LPP: variants seen among roughly 807,000 people sequenced by gnomAD.
The protein encoded by LPP is lipoma-preferred partner.
In LPP, 38 loss-of-function variants were observed where a neutral mutation model predicts 60.4. The ratio of observed to expected loss-of-function variants is 0.63; its 90% CI spans 0.49 to 0.83. The LOEUF (loss-of-function observed/expected upper bound fraction) is 0.83. LPP is among the 40% of genes least tolerant of loss of function. The pLI, the probability that LPP is intolerant of heterozygous loss-of-function variation, is 0.00. For missense variants in LPP, 902 were observed against 783.6 expected (o/e 1.15, Z -1.80); for synonymous variants, 328 against 290.8 (o/e 1.13, Z -1.30).
At chr3:188,463,073 C>T (rs1799528470) in intron 4 of LPP, among the ~76,000 whole-genome samples, 1 of 152,184 alleles carries the variant, frequency 6.6e-6, no homozygotes, top group South Asian at 2.1e-4. Flanking sequence ...CCATTGCACT[C>T]CTGCCTGGGA....
At chr3:188,190,073 T>C (rs1390250536) in intron 1 of LPP, among the ~76,000 whole-genome samples, 1 of 150,418 alleles carries the variant, frequency 6.6e-6, no homozygotes, top group African/African-American at 2.5e-5. Context: ...TTTTTTTTTT[T>C]GAGATGAAGT....
At chr3:188,358,780 A>G (rs1278076148) in intron 3 of LPP, among the ~76,000 whole-genome samples, 1 of 152,156 alleles carries the variant, frequency 6.6e-6, no homozygotes, top group Admixed American at 6.5e-5. Flanking sequence ...GCATATTCGC[A>G]ATCTCTCTGG....
At chr3:188,819,299 C>G (rs376052122) in intron 9 of LPP, among the ~76,000 whole-genome samples, 1 of 152,108 alleles carries the variant, frequency 6.6e-6, no homozygotes, top group South Asian at 2.1e-4. Context: ...TCAGCCCTTT[C>G]TCCCCCTCCT....
intron 4 of LPP, among the ~76,000 whole-genome samples, chr3:188,407,638 A>G (rs938652369): frequency 1.3e-5 from 2 of 152,276 alleles, no homozygotes; most frequent in Middle Eastern, 3.4e-3. Context: ...GCAGTTAATC[A>G]AGCACTTAGT....
chr3:188,460,227 G>T (rs1236113088), intron 4 of LPP, among the ~76,000 whole-genome samples: 1 of 152,098 alleles, frequency 6.6e-6, no homozygotes, highest in Non-Finnish European at 1.5e-5. Context: ...TAAACTTGCT[G>T]CAATTGGAGT....
At chr3:188,761,259 A>T (rs1577392141) in intron 9 of LPP, among the ~76,000 whole-genome samples, 1 of 152,324 alleles carries the variant, frequency 6.6e-6, no homozygotes, top group East Asian at 1.9e-4. Context: ...CAAGGTTCAC[A>T]TTTATTGAAG....
chr3:188,394,007 A>G (rs538295000), intron 3 of LPP, among the ~76,000 whole-genome samples: 12 of 152,084 alleles, frequency 7.9e-5, no homozygotes, highest in Non-Finnish European at 1.3e-4. Flanking sequence ...TAATTTTTCT[A>G]TTTATACTTG....
At chr3:188,751,248 G>A (rs1169755379) in intron 8 of LPP, among the ~76,000 whole-genome samples, 1 of 152,154 alleles carries the variant, frequency 6.6e-6, no homozygotes, top group Non-Finnish European at 1.5e-5. Context: ...AAGTACCTGG[G>A]CAGATTTACC....
chr3:188,845,208 G>T (rs1272977848), intron 9 of LPP, among the ~76,000 whole-genome samples: 1 of 152,154 alleles, frequency 6.6e-6, no homozygotes, highest in Non-Finnish European at 1.5e-5. Context: ...GTACCTAGAA[G>T]GCCATAATCA....
intron 1 of LPP, among the ~76,000 whole-genome samples, chr3:188,169,859 A>G (rs916581536): frequency 5.3e-5 from 8 of 152,194 alleles, no homozygotes; most frequent in Admixed American, 2.0e-4. Context: ...TCAGAATTCT[A>G]CTTTGTCTGA....
rs934296911 is a variant in LPP at position 188,323,708 on chromosome 3, T to C, written c.-66-17955T>C. ...CTTATTGCTATGCTGCTAGAGTCTA[T>C]GAATCAAGATTTGCCAGTTGTGATC... is the stretch of plus-strand genomic sequence containing the variant. On this transcript the variant is annotated intron_variant, in intron 2 of 11. Coordinates refer to ENST00000617246, the MANE Select transcript of LPP (RefSeq NM_001375462.1). 6.6e-5 allele frequency among the ~76,000 whole-genome samples: 10 copies of C among 152,362 alleles called. No homozygotes were observed. The South Asian group carries it at 1.7e-3, about 25-fold the overall frequency.
intron 3 of LPP, among the ~76,000 whole-genome samples, chr3:188,357,286 G>T (rs1427104149): frequency 6.6e-6 from 1 of 152,010 alleles, no homozygotes; most frequent in Non-Finnish European, 1.5e-5. Context: ...GAAGGTGAAC[G>T]GCTATTTCAC....
At chr3:188,201,737 T>C (rs554461339) in intron 1 of LPP, among the ~76,000 whole-genome samples, 1 of 152,156 alleles carries the variant, frequency 6.6e-6, no homozygotes, top group South Asian at 2.1e-4. Context: ...TAATGGGGTG[T>C]CTTCTGTTGT....
chr3:188,374,888 C>T (rs977477600), intron 3 of LPP, among the ~76,000 whole-genome samples: 15 of 152,080 alleles, frequency 9.9e-5, no homozygotes, highest in African/African-American at 3.6e-4. Flanking sequence ...CCCATCAATA[C>T]CTAATTTATT....
Position 188,609,198 on chromosome 3 carries a change from C to T in LPP, c.467C>T (p.Thr156Ile), listed in dbSNP as rs1472314713. The change falls in exon 7 of 12, where the codon ACC becomes ATC. Residue 156 changes from threonine (T) to isoleucine (I), a missense_variant. Physicochemically the swap from Thr to Ile is moderately conservative, Grantham distance 89 (BLOSUM62 -1). Coordinates refer to ENST00000617246, the MANE Select transcript of LPP (RefSeq NM_001375462.1). The surrounding 1 kb of genome is among the most constrained non-coding windows in gnomAD (Gnocchi z 6.9). ...TCAACAGCCTCTCCTCCAGTTTCGA[C>T]CCCAGTCACAGGACACAAGAGAATG... is the stretch of plus-strand genomic sequence containing the variant. Reference protein sequence around the residue: ...TGSTASPPVSTPVTGHKRMVI... With the variant: ...TGSTASPPVSIPVTGHKRMVI... The T allele has an allele frequency of 4.3e-6, 7 of 1,613,462 alleles. No homozygotes were observed. In the Admixed American group the frequency reaches 5.0e-5, roughly 12 times the overall value.
chr3:188,345,677 A>C (rs1467536803), intron 3 of LPP, among the ~76,000 whole-genome samples: 2 of 152,130 alleles, frequency 1.3e-5, no homozygotes, highest in Non-Finnish European at 2.9e-5. Flanking sequence ...CTTCTGCCTT[A>C]TTCTTGTGGG....
intron 6 of LPP, among the ~76,000 whole-genome samples, chr3:188,599,751 G>GGGGGGGGTGT (rs374294307): frequency 7.2e-6 from 1 of 139,828 alleles, no homozygotes; most frequent in Non-Finnish European, 1.5e-5. Context: ...ACTCGTTAGG[G>GGGGGGGGTGT]GTGTGTGTGT....
intron 9 of LPP, among the ~76,000 whole-genome samples, chr3:188,838,003 A>G (rs11919055): frequency 0.018 from 2,814 of 152,238 alleles, 82 homozygotes; most frequent in African/African-American, 0.063. Context: ...TGCAAACTCA[A>G]CATATGCAAA....
chr3:188,350,558 G>T (rs1178866604), intron 3 of LPP, among the ~76,000 whole-genome samples: 3 of 152,106 alleles, frequency 2.0e-5, no homozygotes, highest in African/African-American at 7.2e-5. Flanking sequence ...CAAAATATGA[G>T]CTTTGAACAA....
Sources: allele counts gnomAD v4.1 joint callset (sites outside exome capture counted in the v4.1 genomes callset), GRCh38; gene constraint gnomAD v4.1.1; non-coding constraint Gnocchi (gnomAD v3.1); transcripts MANE v1.5; gene names NCBI Gene and HGNC (gene_info 2026-07-23, HGNC 2026-07-21).